Variants in STPG2 observed in about 807,000 individuals in gnomAD.
STPG2 encodes sperm tail PG-rich repeat containing 2.
A neutral mutation model predicts 54.2 loss-of-function variants in STPG2; 56 were observed. The observed-to-expected ratio is 1.03, with a 90% CI of 0.83 to 1.29. The LOEUF is 1.29. STPG2 is among the 50% of genes most tolerant of loss of function. STPG2 has a pLI of 0.00. For synonymous variants in STPG2, 200 were observed against 181.8 expected (o/e 1.10, Z -0.81); for missense variants, 596 against 544.9 (o/e 1.09, Z -0.93).
chr4:97,738,332 A>T (rs537204973), intron 9 of STPG2, among the ~76,000 whole-genome samples: 14 of 152,114 alleles, frequency 9.2e-5, no homozygotes, highest in South Asian at 2.1e-4. Flanking sequence ...GCTAACATTA[A>T]AATGACAGGA....
chr4:97,886,576 T>C (rs1009323306), intron 8 of STPG2, among the ~76,000 whole-genome samples: 12 of 152,208 alleles, frequency 7.9e-5, no homozygotes, highest in Non-Finnish European at 1.3e-4. Context: ...TGTAAACGTA[T>C]GTTTCTGGAA....
intron 9 of STPG2, among the ~76,000 whole-genome samples, chr4:97,734,699 G>A (rs1456992402): frequency 6.6e-6 from 1 of 152,100 alleles, no homozygotes; most frequent in Non-Finnish European, 1.5e-5. Flanking sequence ...AATGGCCTTG[G>A]CAATGATTTT....
chr4:98,138,759 T>C (rs557807291), intron 1 of STPG2, among the ~76,000 whole-genome samples: 5 of 152,204 alleles, frequency 3.3e-5, no homozygotes, highest in East Asian at 1.9e-4. Context: ...TATGAGACCA[T>C]AGCCAGCTTA....
chr4:98,130,573 T>C (rs1261146616), intron 2 of STPG2, among the ~76,000 whole-genome samples: 2 of 152,130 alleles, frequency 1.3e-5, no homozygotes, highest in African/African-American at 4.8e-5. Context: ...TAAGAAACCA[T>C]TGAACGGCTT....
At chr4:97,931,333 C>T (rs904558665) in intron 8 of STPG2, among the ~76,000 whole-genome samples, 1 of 152,058 alleles carries the variant, frequency 6.6e-6, no homozygotes, top group African/African-American at 2.4e-5. Flanking sequence ...TCCTAAATGG[C>T]TTTTATTATT....
chr4:98,080,823 T>A (rs2110115911), intron 5 of STPG2, among the ~76,000 whole-genome samples: 1 of 152,352 alleles, frequency 6.6e-6, no homozygotes, highest in East Asian at 1.9e-4. Context: ...TGATCTCCAT[T>A]CTGACTCCTT....
intron 5 of STPG2, among the ~76,000 whole-genome samples, chr4:98,042,534 AT>A (rs1560651685): frequency 1.3e-5 from 2 of 151,628 alleles, no homozygotes. Flanking sequence ...ATTTTTATTC[AT>A]TTCAAAAAAA....
intron 10 of STPG2, among the ~76,000 whole-genome samples, chr4:97,575,421 C>G (rs1320148097): frequency 1.3e-5 from 2 of 152,038 alleles, no homozygotes; most frequent in Non-Finnish European, 2.9e-5. Context: ...AGTTAATTCA[C>G]CAAAGTCGAG....
At position 97,812,628 on chromosome 4, in the gene STPG2, C is replaced by T. The variant is rs181457887; in HGVS notation, c.1204+28145G>A. ...AAGAAAAACTATAGAACAAAATATA[C>T]GTCTAGTCTATATTAGTTCCTCCTC... On this transcript the variant is annotated intron_variant, in intron 9 of 10. Transcript: ENST00000295268. Among the ~76,000 whole-genome samples, 199 of 152,096 alleles carry T rather than the reference C, an allele frequency of 1.3e-3. 6 individuals are homozygous for T. The East Asian group carries it at 0.037, about 29-fold the overall frequency.
chr4:97,744,207 T>G (rs1322155207), intron 9 of STPG2, among the ~76,000 whole-genome samples: 1 of 151,418 alleles, frequency 6.6e-6, no homozygotes. Context: ...CTTTTCTTCT[T>G]CTGTAACATT....
intron 9 of STPG2, among the ~76,000 whole-genome samples, chr4:97,819,140 C>T (rs1051886643): frequency 6.6e-6 from 1 of 151,750 alleles, no homozygotes; most frequent in African/African-American, 2.4e-5. Flanking sequence ...TTTGCCCACA[C>T]TCAGAATTAT....
intron 10 of STPG2, among the ~76,000 whole-genome samples, chr4:97,645,515 C>T (rs976511862): frequency 1.3e-5 from 2 of 152,102 alleles, no homozygotes; most frequent in Non-Finnish European, 2.9e-5. Context: ...TCACTAGCTG[C>T]CTTTTAACCT....
At chr4:97,864,309 C>G (rs113861386) in intron 8 of STPG2, among the ~76,000 whole-genome samples, 2,793 of 150,806 alleles carry the variant, frequency 0.019, 76 homozygotes, top group African/African-American at 0.064. Flanking sequence ...CAATAACAGA[C>G]AGCCAAATCA....
chr4:98,090,801 G>T (rs1669963345), intron 5 of STPG2, among the ~76,000 whole-genome samples: 1 of 151,870 alleles, frequency 6.6e-6, no homozygotes. Flanking sequence ...AAATATCCCA[G>T]ATTAAGTCCC....
At chr4:97,616,672 A>C (rs530139115) in intron 10 of STPG2, among the ~76,000 whole-genome samples, 17 of 152,208 alleles carry the variant, frequency 1.1e-4, no homozygotes, top group African/African-American at 4.1e-4. Context: ...CAAAAACATC[A>C]CTAGTGATGA....
At chr4:97,614,413 A>G (rs1733809590) in intron 10 of STPG2, among the ~76,000 whole-genome samples, 1 of 152,064 alleles carries the variant, frequency 6.6e-6, no homozygotes, top group Non-Finnish European at 1.5e-5. Context: ...AATGAGCAGG[A>G]GCATTGTCAT....
At chr4:98,043,815 A>G (rs1426985102) in intron 5 of STPG2, among the ~76,000 whole-genome samples, 1 of 151,936 alleles carries the variant, frequency 6.6e-6, no homozygotes, top group Non-Finnish European at 1.5e-5. Flanking sequence ...CAGGTGTGTG[A>G]TATAGGTAAA....
chr4:97,745,079 A>G (rs1472190241), intron 9 of STPG2, among the ~76,000 whole-genome samples: 15 of 151,276 alleles, frequency 9.9e-5, no homozygotes, highest in Non-Finnish European at 3.0e-5. Flanking sequence ...TGGTCAATCT[A>G]AAATTAGGCC....
intron 5 of STPG2, among the ~76,000 whole-genome samples, chr4:98,012,436 C>G (rs574105835): frequency 6.6e-6 from 1 of 152,248 alleles, no homozygotes; most frequent in East Asian, 1.9e-4. Context: ...TATACCAGCT[C>G]TTTTTTAGAT....
Sources: allele counts gnomAD v4.1 joint callset (sites outside exome capture counted in the v4.1 genomes callset), GRCh38; gene constraint gnomAD v4.1.1; transcripts MANE v1.5; gene names NCBI Gene and HGNC (gene_info 2026-07-23, HGNC 2026-07-21).